Variants in SUPT5H observed in about 807,000 individuals in gnomAD.
SUPT5H encodes the protein transcription elongation factor SPT5.
Under a neutral mutation model 142.5 loss-of-function variants are expected in SUPT5H, and 24 were observed. The ratio of observed to expected loss-of-function variants is 0.17; its 90% CI spans 0.12 to 0.24. SUPT5H has a LOEUF of 0.24. SUPT5H is among the 10% of genes least tolerant of loss of function. SUPT5H has a pLI of 1.00. For synonymous variants in SUPT5H, 546 were observed against 553.0 expected (o/e 0.99, Z 0.18); for missense variants, 893 against 1,471.8 (o/e 0.61, Z 6.43).
At position 39,458,984 on chromosome 19, in the gene SUPT5H, G is replaced by T. The variant is rs1005597096; in HGVS notation, c.390-21G>T. ...TGTCCTCAACCTTCAATTCGTGTTT[G>T]CTTCCCCACTCGTGCTCCAGGGACC... On this transcript the variant is annotated intron_variant, in intron 6 of 29. Coordinates refer to ENST00000432763, the MANE Select transcript of SUPT5H (RefSeq NM_001111020.3). This position sits in a 1 kb window ranked among gnomAD's most constrained non-coding sequence, Gnocchi z 4.2. 6.2e-7 allele frequency: 1 copy of T among 1,614,152 alleles called. No individual in the cohort carries two copies. The highest frequency in any genetic ancestry group is 1.3e-5 in the African/African-American group (1 of 75,040).
intron 10 of SUPT5H, among the ~76,000 whole-genome samples, chr19:39,462,816 C>T (rs1041619008): frequency 1.1e-4 from 17 of 150,734 alleles, no homozygotes; most frequent in African/African-American, 4.1e-4. Context: ...CAGGCGTGAG[C>T]CACTGTGCCC....
Position 39,474,508 on chromosome 19 carries a change from C to G in SUPT5H, c.2821-7C>G, listed in dbSNP as rs779693651. 6.2e-7 allele frequency: 1 copy of G among 1,614,004 alleles called. No homozygotes were observed. The highest frequency in any genetic ancestry group is 8.5e-7 in the Non-Finnish European group (1 of 1,179,898). ...ATTCCCAATGACACTTCCTCTTTCC[C>G]CTGCAGGCTAGCCCCAGCCCGAGCC... On this transcript the variant is annotated splice_polypyrimidine_tract_variant and splice_region_variant and intron_variant, in intron 27 of 29. Transcript: ENST00000432763. This position sits in a 1 kb window ranked among gnomAD's most constrained non-coding sequence, Gnocchi z 6.5.
At chr19:39,449,939 CT>C (rs57757348) in intron 2 of SUPT5H, among the ~76,000 whole-genome samples, 62,053 of 130,478 alleles carry the variant, frequency 0.48, 13,691 homozygotes, top group Middle Eastern at 0.6. Context: ...CACGCTAAGC[CT>C]TTTTTTTTTT....
At position 39,466,256 on chromosome 19, in the gene SUPT5H, G is replaced by A. The variant is rs1289959366; in HGVS notation, c.877-224G>A. ...GGCTGCGGTCGTCCTGGATTTGAGG[G>A]ACCTTTAGACATCCAGGTGGAGATA... is the stretch of plus-strand genomic sequence containing the variant. On this transcript the variant is annotated intron_variant, in intron 11 of 29. Coordinates refer to ENST00000432763, the MANE Select transcript of SUPT5H (RefSeq NM_001111020.3). The surrounding 1 kb of genome is among the most constrained non-coding windows in gnomAD (Gnocchi z 4.3). 6.6e-6 allele frequency among the ~76,000 whole-genome samples: 1 copy of A among 152,146 alleles called. No homozygotes were observed. The highest frequency in any genetic ancestry group is 1.5e-5 in the Non-Finnish European group (1 of 68,030).
intron 28 of SUPT5H, chr19:39,475,089 G>T (rs1054026491): frequency 2.9e-5 from 9 of 306,036 alleles, no homozygotes; most frequent in African/African-American, 2.0e-4. Context: ...GGAACATAAA[G>T]AGCCAAAGGG....
At chr19:39,453,122 G>A (rs896977604) in intron 2 of SUPT5H, among the ~76,000 whole-genome samples, 1 of 152,100 alleles carries the variant, frequency 6.6e-6, no homozygotes, top group South Asian at 2.1e-4. Flanking sequence ...CTAGTGCAGG[G>A]AGAAGCCCGG....
intron 11 of SUPT5H, 77 bp downstream of exon 11, chr19:39,465,126 C>T: frequency 2.6e-6 from 4 of 1,532,632 alleles, no homozygotes; most frequent in African/African-American, 1.4e-5. Flanking sequence ...TCCTTCCCAC[C>T]CTCTTTGTGC....
At position 39,469,015 on chromosome 19, in the gene SUPT5H, C is replaced by G; in HGVS notation, c.1144-64C>G. 1 of 1,589,248 alleles carries G rather than the reference C, an allele frequency of 6.3e-7. No homozygotes were observed. On this transcript the variant is annotated intron_variant, in intron 14 of 29. Transcript: ENST00000432763. The surrounding 1 kb of genome is among the most constrained non-coding windows in gnomAD (Gnocchi z 5.1). ...TCCCCTAGGACCCACTCAGCCCACT[C>G]AGCTGGGCTGTTGCACTGACCTCGG...
chr19:39,464,895 G>C lies in SUPT5H; in HGVS notation c.722G>C (p.Gly241Ala), dbSNP rs1475014626. Residue 241 changes from glycine to alanine, a missense_variant, in exon 11 of 30, where the codon GGG becomes GCG. Physicochemically the swap from Gly to Ala is moderately conservative, Grantham distance 60. Coordinates refer to ENST00000432763, the MANE Select transcript of SUPT5H (RefSeq NM_001111020.3). ...KQTHVKQAIE[G>A]VGNLRLGYWN... is the part of the protein sequence containing the mutation. ...ACCCACGTGAAGCAGGCCATTGAGG[G>C]GGTGGGCAACCTGCGGCTTGGCTAC... 1 of 1,614,042 alleles carries C rather than the reference G, an allele frequency of 6.2e-7. No individual in the cohort carries two copies. The highest frequency in any genetic ancestry group is 1.3e-5 in the African/African-American group (1 of 74,924).
intron 2 of SUPT5H, among the ~76,000 whole-genome samples, chr19:39,447,832 A>G (rs1204553162): frequency 2.6e-5 from 4 of 152,188 alleles, no homozygotes. Context: ...AAATCTTTGC[A>G]TTTTTGGAGT....
chr19:39,473,064 G>A lies in SUPT5H; in HGVS notation c.2208G>A (p.Leu736=), dbSNP rs757209313. The part of the protein sequence containing the change: ...DATESTARVE[L]HSTCQTISVD... The stretch of plus-strand genomic sequence containing the variant: ...CAGAGTCCACGGCCCGTGTGGAGCT[G>A]CACTCCACCTGCCAGACCATCTCTG... The change falls in exon 23 of 30, where the codon CTG becomes CTA. Residue 736 remains leucine, a synonymous_variant. Coordinates refer to ENST00000432763, the MANE Select transcript of SUPT5H (RefSeq NM_001111020.3). The surrounding 1 kb of genome is among the most constrained non-coding windows in gnomAD (Gnocchi z 5.8). 6.2e-7 allele frequency: 1 copy of A among 1,613,684 alleles called. No homozygotes were observed. The highest frequency in any genetic ancestry group is 1.1e-5 in the South Asian group (1 of 91,082).
intron 20 of SUPT5H, 51 bp downstream of exon 20, chr19:39,471,781 C>G: frequency 6.3e-7 from 1 of 1,580,046 alleles, no homozygotes; most frequent in Non-Finnish European, 8.6e-7. Flanking sequence ...GCTCAGCTCT[C>G]CAAGCCTCCT....
intron 10 of SUPT5H, among the ~76,000 whole-genome samples, chr19:39,462,035 G>C (rs1047433794): frequency 2.0e-5 from 3 of 151,762 alleles, no homozygotes; most frequent in African/African-American, 4.8e-5. Flanking sequence ...AGCCTCCCGA[G>C]TAGCTGGGAT....
In SUPT5H at chr19:39,469,938, G is replaced by T. The variant is rs766551732; in HGVS notation, c.1375-181G>T. On this transcript the variant is annotated intron_variant, in intron 16 of 29. Transcript: ENST00000432763. The surrounding 1 kb of genome is among the most constrained non-coding windows in gnomAD (Gnocchi z 5.1). Reference sequence around the variant, plus strand: ...GTCCAGGTTGGTGTCCTGTGTCTGGGGTCAGCTGTTTCTGGGGCAGTCTGA... The same window carrying T: ...GTCCAGGTTGGTGTCCTGTGTCTGGTGTCAGCTGTTTCTGGGGCAGTCTGA... 16 of 737,584 alleles carry T rather than the reference G, an allele frequency of 2.2e-5. No individual in the cohort carries two copies. Among genetic ancestry groups the T allele is most frequent in the Non-Finnish European group, 3.5e-5 (16 of 461,754 alleles). 45.7% of individuals were successfully genotyped at this position (737,584 alleles called of 1,614,324 possible). A position where few individuals can be genotyped will look rare whatever the true frequency, so the allele number is the denominator to read the frequency against.
chr19:39,473,611 C>T lies in SUPT5H; in HGVS notation c.2492+90C>T. On this transcript the variant is annotated intron_variant, in intron 25 of 29. Transcript: ENST00000432763. This position sits in a 1 kb window ranked among gnomAD's most constrained non-coding sequence, Gnocchi z 5.8. ...TGGGGCATTGGAGGGGTTTGTGGGG[C>T]CCACCCAGCATTCTCTGCTCCTAGC... is the stretch of plus-strand genomic sequence containing the variant. 1 of 1,365,556 alleles carries T rather than the reference C, an allele frequency of 7.3e-7. No homozygotes were observed. Among genetic ancestry groups the T allele is most frequent in the South Asian group, 1.3e-5 (1 of 75,974 alleles). 84.6% of individuals were successfully genotyped at this position (1,365,556 alleles called of 1,614,324 possible). A position where few individuals can be genotyped will look rare whatever the true frequency, so the allele number is the denominator to read the frequency against.
intron 2 of SUPT5H, 105 bp downstream of exon 2, chr19:39,446,070 T>G (rs1254330270): frequency 1.6e-6 from 2 of 1,229,980 alleles, no homozygotes; most frequent in African/African-American, 3.0e-5. Context: ...CTCTGGCTTC[T>G]GGGAACTCCC....
rs2079231411 is a variant in SUPT5H at position 39,466,119 on chromosome 19, T to C, written c.877-361T>C. Among the ~76,000 whole-genome samples the C allele has an allele frequency of 6.6e-6, 1 of 151,884 alleles. No homozygotes were observed. The highest frequency in any genetic ancestry group is 1.5e-5 in the Non-Finnish European group (1 of 67,978). Reference sequence around the variant, plus strand: ...AGAGCTGATGGAATTTGCCAACGGGTCGGGTGTGGGTGTAAGAGAAACAAA... The same window carrying C: ...AGAGCTGATGGAATTTGCCAACGGGCCGGGTGTGGGTGTAAGAGAAACAAA... On this transcript the variant is annotated intron_variant, in intron 11 of 29. Transcript: ENST00000432763. This position sits in a 1 kb window ranked among gnomAD's most constrained non-coding sequence, Gnocchi z 4.3.
chr19:39,451,403 C>A (rs140696662), intron 2 of SUPT5H, among the ~76,000 whole-genome samples: 10,417 of 151,572 alleles, frequency 0.069, 465 homozygotes, highest in Non-Finnish European at 0.091. Context: ...ACTATGTTGG[C>A]CAGGCTGGTC....
chr19:39,464,885 G>A lies in SUPT5H; in HGVS notation c.712G>A (p.Ala238Thr), dbSNP rs753660702. 6.2e-7 allele frequency: 1 copy of A among 1,614,194 alleles called. No individual in the cohort carries two copies. Among genetic ancestry groups the A allele is most frequent in the South Asian group, 1.1e-5 (1 of 91,082 alleles). The change falls in exon 11 of 30, where the codon GCC becomes ACC. Residue 238 changes from alanine (A) to threonine (T), a missense_variant. Coordinates refer to ENST00000432763, the MANE Select transcript of SUPT5H (RefSeq NM_001111020.3). ...CTACAAGCAGACCCACGTGAAGCAG[G>A]CCATTGAGGGGGTGGGCAACCTGCG... ...EAYKQTHVKQAIEGVGNLRLG... is the reference protein window; with the variant it reads ...EAYKQTHVKQTIEGVGNLRLG...
Sources: gnomAD v4.1 joint callset for allele counts (sites outside exome capture counted in the v4.1 genomes callset) on GRCh38, gnomAD v4.1.1 for gene constraint, Gnocchi (gnomAD v3.1) non-coding constraint, MANE v1.5 for transcripts, NCBI Gene and HGNC (gene_info 2026-07-23, HGNC 2026-07-21) for gene names.